Variants in ADAMTS9 observed in about 807,000 individuals in gnomAD.
ADAMTS9 encodes the protein ADAM metallopeptidase with thrombospondin type 1 motif 9.
A neutral mutation model predicts 257.1 loss-of-function variants in ADAMTS9; 107 were observed. That is an observed-to-expected ratio of 0.42 (90% CI 0.36 to 0.49). The LOEUF (loss-of-function observed/expected upper bound fraction) is 0.49, where lower values mean the gene tolerates loss of function less well. ADAMTS9 is among the 20% of genes least tolerant of loss of function. ADAMTS9 has a pLI of 0.03. For synonymous variants in ADAMTS9, 982 were observed against 880.9 expected, an observed-to-expected ratio of 1.11 and a Z score of -2.03; for missense variants, 2,353 against 2,469.1, an observed-to-expected ratio of 0.95 and a Z score of 1.00.
intron 11 of ADAMTS9, 130 bp from the exon 12 acceptor site, chr3:64,642,123 T>G (rs916559956): frequency 2.9e-6 from 3 of 1,030,700 alleles, no homozygotes; most frequent in Non-Finnish European, 4.3e-6. Context: ...AGGTTCATCA[T>G]CTATATGAAT....
chr3:64,622,118 G>C (rs1700122742), intron 18 of ADAMTS9, 80 bp downstream of exon 18: 4 of 1,408,828 alleles, frequency 2.8e-6, no homozygotes, highest in African/African-American at 2.9e-5. Flanking sequence ...CAGTTTGCAT[G>C]CATTTGGCTG....
intron 31 of ADAMTS9, among the ~76,000 whole-genome samples, chr3:64,547,512 A>AT (rs58728148): frequency 0.017 from 2,072 of 122,038 alleles, 130 homozygotes; most frequent in African/African-American, 0.058. Flanking sequence ...CTGGCTATAG[A>AT]TTTTTTTTTT....
chr3:64,658,909 T>C, intron 3 of ADAMTS9, 118 bp from the exon 4 acceptor site: 1 of 1,089,148 alleles, frequency 9.2e-7, no homozygotes, highest in Non-Finnish European at 1.3e-6. Flanking sequence ...CAAAAACAAG[T>C]CCTCCATGGA....
rs372261210 is a variant in ADAMTS9 at position 64,539,311 on chromosome 3, G to A, written c.5522-17C>T. The A allele has an allele frequency of 3.7e-6, 6 of 1,606,842 alleles. No homozygotes were observed. The African/African-American group carries it at 8.0e-5, about 21-fold the overall frequency. ...AGTCAGTGGCTGTGGGGTGGAGAAG[G>A]GGTTAAAGGCAGGGGAAGGTAAGAG... On this transcript the variant is annotated splice_polypyrimidine_tract_variant and intron_variant, in intron 36 of 39. Coordinates refer to ENST00000498707, the MANE Select transcript of ADAMTS9 (RefSeq NM_182920.2).
chr3:64,604,817 G>T (rs1315754210), intron 23 of ADAMTS9, among the ~76,000 whole-genome samples: 1 of 152,168 alleles, frequency 6.6e-6, no homozygotes, highest in East Asian at 1.9e-4. Flanking sequence ...AGATATAAAA[G>T]GTGTATTCAA....
chr3:64,681,334 A>T lies in ADAMTS9; in HGVS notation c.546T>A (p.Asp182Glu). ...TAGACTGTAGTGGTTCAATAAAATA[A>T]TCCCCATCATGAGACCGGAATGTGC... ...MLGTFRSHDG[D>E]YFIEPLQSMD... The change falls in exon 3 of 40, where the codon GAT becomes GAA. Residue 182 changes from aspartate (D) to glutamate (E), a missense_variant. Coordinates refer to ENST00000498707, the MANE Select transcript of ADAMTS9 (RefSeq NM_182920.2). The T allele has an allele frequency of 6.2e-7, 1 of 1,613,430 alleles. No homozygotes were observed. The highest frequency in any genetic ancestry group is 8.5e-7 in the Non-Finnish European group (1 of 1,179,650).
chr3:64,524,504 C>A (rs577565366), intron 38 of ADAMTS9, among the ~76,000 whole-genome samples: 3 of 152,332 alleles, frequency 2.0e-5, no homozygotes, highest in South Asian at 2.1e-4. Context: ...CATTTACAAT[C>A]TATTTTGATA....
chr3:64,617,971 T>C (rs888075335), intron 19 of ADAMTS9, among the ~76,000 whole-genome samples: 4 of 152,240 alleles, frequency 2.6e-5, no homozygotes, highest in Non-Finnish European at 5.9e-5. Context: ...ATGGTTATAT[T>C]GACTGTCAGT....
intron 38 of ADAMTS9, 100 bp downstream of exon 38, chr3:64,533,066 C>T (rs2083003228): frequency 1.3e-5 from 14 of 1,075,064 alleles, no homozygotes; most frequent in Non-Finnish European, 1.9e-5. Context: ...AGTGGGAAAG[C>T]ACATTCGTTT....
In ADAMTS9 at chr3:64,603,970, T is replaced by G; in HGVS notation, c.3699A>C (p.Glu1233Asp). 6.2e-7 allele frequency: 1 copy of G among 1,614,052 alleles called. No individual in the cohort carries two copies. The highest frequency in any genetic ancestry group is 8.5e-7 in the Non-Finnish European group (1 of 1,179,990). Reference protein sequence around the residue: ...ATLPRPVAKEECSVTPCGQWK... With the variant: ...ATLPRPVAKEDCSVTPCGQWK... ...ATTGCCCACAGGGTGTCACAGAACA[T>G]TCTTCCTTTGCCACTGGTCTAGGCA... is the stretch of plus-strand genomic sequence containing the variant. Residue 1233 changes from glutamate to aspartate, a missense_variant, in exon 25 of 40, where the codon GAA becomes GAC. By Grantham distance (45) the Glu-to-Asp change is conservative. Coordinates refer to ENST00000498707, the MANE Select transcript of ADAMTS9 (RefSeq NM_182920.2).
intron 26 of ADAMTS9, among the ~76,000 whole-genome samples, chr3:64,601,512 C>G (rs556475216): frequency 2.9e-3 from 449 of 152,282 alleles, no homozygotes; most frequent in Non-Finnish European, 4.5e-3. Flanking sequence ...CTACAAATTA[C>G]ACAGCAACCA....
Position 64,654,287 on chromosome 3 carries a change from C to G in ADAMTS9, c.1316+66G>C, listed in dbSNP as rs1459409093. 11 of 1,467,524 alleles carry G rather than the reference C, an allele frequency of 7.5e-6. No individual in the cohort carries two copies. The East Asian group carries it at 2.5e-4, about 33-fold the overall frequency. The allele number at this position is 1,467,524 out of a possible 1,614,324, so 90.9% of individuals were successfully genotyped here. A position where few individuals can be genotyped will look rare whatever the true frequency, so the allele number is the denominator to read the frequency against. On this transcript the variant is annotated intron_variant, in intron 8 of 39. Transcript: ENST00000498707. ...CACTCGAAAGTCAAGTAAATGCTCA[C>G]TGATGCGAAGGAATAAAAGGTTTAG... is the stretch of plus-strand genomic sequence containing the variant.
At chr3:64,659,500 T>G (rs974277896) in intron 3 of ADAMTS9, among the ~76,000 whole-genome samples, 14 of 150,780 alleles carry the variant, frequency 9.3e-5, no homozygotes, top group Non-Finnish European at 1.6e-4. Context: ...AAAGGAAATG[T>G]TTCATATATA....
intron 16 of ADAMTS9, 58 bp from the exon 17 acceptor site, chr3:64,622,644 A>T (rs771739772): frequency 3.2e-4 from 495 of 1,571,236 alleles, no homozygotes; most frequent in Non-Finnish European, 4.0e-4. Context: ...AGCTGTTTGA[A>T]ATATGAAGTA....
At chr3:64,533,049 TG>T in intron 38 of ADAMTS9, 116 bp downstream of exon 38, 1 of 856,458 alleles carries the variant, frequency 1.2e-6, no homozygotes, top group Non-Finnish European at 1.8e-6. Flanking sequence ...CACTACAAAA[TG>T]GCTTAAGTGG....
chr3:64,590,882 C>T (rs2084246615), intron 28 of ADAMTS9, among the ~76,000 whole-genome samples: 1 of 152,118 alleles, frequency 6.6e-6, no homozygotes. Context: ...GATCAGCAAG[C>T]AGGTTGACAG....
chr3:64,617,434 C>T (rs778230223), intron 19 of ADAMTS9, among the ~76,000 whole-genome samples: 31 of 152,132 alleles, frequency 2.0e-4, no homozygotes, highest in Admixed American at 5.9e-4. Flanking sequence ...CTTGAAGAGT[C>T]TATGGAAAGG....
chr3:64,602,288 T>C (rs2084477867), intron 25 of ADAMTS9, 75 bp from the exon 26 acceptor site: 2 of 1,540,494 alleles, frequency 1.3e-6, no homozygotes, highest in African/African-American at 1.4e-5. Flanking sequence ...TGTGCATTTC[T>C]GTAAATGGCC....
chr3:64,602,415 A>T (rs2084480253), intron 25 of ADAMTS9, among the ~76,000 whole-genome samples: 1 of 152,200 alleles, frequency 6.6e-6, no homozygotes, highest in Non-Finnish European at 1.5e-5. Flanking sequence ...TCAAAATCAC[A>T]AAATATAACC....
Sources: allele counts gnomAD v4.1 joint callset (sites outside exome capture counted in the v4.1 genomes callset), GRCh38; gene constraint gnomAD v4.1.1; transcripts MANE v1.5; gene names NCBI Gene and HGNC (gene_info 2026-07-23, HGNC 2026-07-21).